SGCD: variants seen among roughly 807,000 people sequenced by gnomAD.
SGCD encodes the protein sarcoglycan delta, also known as delta-sarcoglycan.
A neutral mutation model predicts 36.6 loss-of-function variants in SGCD; 18 were observed. The observed-to-expected ratio is 0.49, with a 90% CI of 0.34 to 0.73. SGCD has a LOEUF of 0.73. Among genes scored for constraint, SGCD ranks in the 30% least tolerant of loss-of-function variants. SGCD has a pLI of 0.01. For missense variants in SGCD, 387 were observed against 346.7 expected (o/e 1.12, Z -0.92); for synonymous variants, 133 against 130.6 (o/e 1.02, Z -0.12).
intron 7 of SGCD, among the ~76,000 whole-genome samples, chr5:156,654,237 T>C (rs1283925784): frequency 6.6e-6 from 1 of 152,110 alleles, no homozygotes; most frequent in African/African-American, 2.4e-5. Context: ...AATGTAGCAC[T>C]TGTGGAGTAG....
At chr5:155,868,851 G>T (rs749376133), upstream of SGCD, among the ~76,000 whole-genome samples, 5 of 152,168 alleles carry the variant, frequency 3.3e-5, no homozygotes, top group Non-Finnish European at 7.4e-5. Flanking sequence ...AGGATTCAGA[G>T]TGCAGATAGA....
intron 4 of SGCD, among the ~76,000 whole-genome samples, chr5:156,575,565 C>T (rs559848824): frequency 6.6e-6 from 1 of 152,286 alleles, no homozygotes; most frequent in South Asian, 2.1e-4. Context: ...TACTTACTCA[C>T]CAGGACTGTA....
chr5:155,981,599 C>T (rs1581025542), intron 1 of SGCD, among the ~76,000 whole-genome samples: 1 of 152,254 alleles, frequency 6.6e-6, no homozygotes, highest in East Asian at 1.9e-4. Context: ...ACGTTTTCAA[C>T]CTATTTCCCA....
intron 4 of SGCD, among the ~76,000 whole-genome samples, chr5:156,558,124 T>A (rs1227398628): frequency 8.1e-6 from 1 of 123,612 alleles, no homozygotes; most frequent in African/African-American, 3.0e-5. Context: ...TATATATATA[T>A]TATTTAACTC....
chr5:156,538,736 TAGAA>T (rs552712207), intron 4 of SGCD, among the ~76,000 whole-genome samples: 2 of 152,182 alleles, frequency 1.3e-5, no homozygotes, highest in East Asian at 3.9e-4. Flanking sequence ...ATTGCATAAA[TAGAA>T]AGAGTTAAGG....
At chr5:156,690,985 T>C (rs1193981209) in intron 7 of SGCD, among the ~76,000 whole-genome samples, 1 of 151,828 alleles carries the variant, frequency 6.6e-6, no homozygotes, top group African/African-American at 2.4e-5. Flanking sequence ...GGTGGGTGGA[T>C]TGCTTGAGGT....
At chr5:156,349,701 CA>C (rs199622625) in intron 3 of SGCD, among the ~76,000 whole-genome samples, 1,940 of 152,088 alleles carry the variant, frequency 0.013, 46 homozygotes, top group African/African-American at 0.045. Flanking sequence ...TCAAAGACAT[CA>C]AAGTAGACCT....
At chr5:156,101,520 A>C (rs1761514842) in intron 1 of SGCD, among the ~76,000 whole-genome samples, 1 of 152,218 alleles carries the variant, frequency 6.6e-6, no homozygotes, top group Non-Finnish European at 1.5e-5. Context: ...TAACAAGAGA[A>C]GTTCTCCCCT....
chr5:156,463,477 T>C (rs1754580933), intron 3 of SGCD, among the ~76,000 whole-genome samples: 1 of 152,198 alleles, frequency 6.6e-6, no homozygotes, highest in Non-Finnish European at 1.5e-5. Flanking sequence ...AGGCACAATT[T>C]TTTTTTACCT....
intron 3 of SGCD, among the ~76,000 whole-genome samples, chr5:156,368,840 C>T (rs183717430): frequency 1.3e-5 from 2 of 152,302 alleles, no homozygotes; most frequent in East Asian, 1.9e-4. Context: ...AAGCTCAGGG[C>T]TCCCACTGAT....
chr5:156,464,058 T>C (rs1234569093), intron 3 of SGCD, among the ~76,000 whole-genome samples: 1 of 152,150 alleles, frequency 6.6e-6, no homozygotes, highest in African/African-American at 2.4e-5. Context: ...CAATGATTTG[T>C]ATGCACTGTC....
intron 1 of SGCD, among the ~76,000 whole-genome samples, chr5:156,089,987 A>G (rs1455446552): frequency 6.6e-6 from 1 of 152,108 alleles, no homozygotes; most frequent in African/African-American, 2.4e-5. Flanking sequence ...TTCTCAGTGG[A>G]ATGGAGTTTA....
chr5:156,150,480 C>T (rs983775967), intron 3 of SGCD, among the ~76,000 whole-genome samples: 38 of 151,680 alleles, frequency 2.5e-4, no homozygotes, highest in Admixed American at 2.2e-3. Context: ...TCCTACTGGA[C>T]TATGATGTTC....
chr5:156,735,349 C>CCAAA (rs1449132647), intron 7 of SGCD, among the ~76,000 whole-genome samples: 1 of 152,112 alleles, frequency 6.6e-6, no homozygotes, highest in Non-Finnish European at 1.5e-5. Context: ...ACTAAGCCAC[C>CCAAA]CAAACAGCAC....
chr5:155,807,306 T>C, the SGCD span, among the ~76,000 whole-genome samples: 2 of 152,248 alleles, frequency 1.3e-5, no homozygotes, highest in Admixed American at 6.5e-5. Context: ...GTGACTAGGA[T>C]CATCCTTTCC....
At chr5:156,166,418 G>A (rs558059825) in intron 3 of SGCD, among the ~76,000 whole-genome samples, 2 of 151,986 alleles carry the variant, frequency 1.3e-5, no homozygotes, top group African/African-American at 4.8e-5. Flanking sequence ...CTGGGTTCAC[G>A]TCATTCTCCC....
chr5:156,628,019 A>G (rs1264806369), intron 6 of SGCD, among the ~76,000 whole-genome samples: 1 of 152,200 alleles, frequency 6.6e-6, no homozygotes, highest in Non-Finnish European at 1.5e-5. Context: ...TATGAGAAGC[A>G]TGATCCTGGC....
At chr5:156,154,037 G>A (rs531622572) in intron 3 of SGCD, among the ~76,000 whole-genome samples, 11 of 151,644 alleles carry the variant, frequency 7.3e-5, no homozygotes, top group African/African-American at 2.7e-4. Flanking sequence ...AACCCACTTT[G>A]CCTGCCCCTT....
intron 3 of SGCD, among the ~76,000 whole-genome samples, chr5:156,355,192 T>C (rs1331441986): frequency 1.3e-5 from 2 of 152,226 alleles, no homozygotes; most frequent in Non-Finnish European, 2.9e-5. Flanking sequence ...TTGGATGGCA[T>C]GGTAAGGCCT....
Sources: gnomAD v4.1 joint callset for allele counts (sites outside exome capture counted in the v4.1 genomes callset) on GRCh38, gnomAD v4.1.1 for gene constraint, MANE v1.5 for transcripts, NCBI Gene and HGNC (gene_info 2026-07-23, HGNC 2026-07-21) for gene names.